The following CAMK1D variants were observed in gnomAD, a reference collection of about 807,000 sequenced individuals.
The protein encoded by CAMK1D is calcium/calmodulin-dependent protein kinase type 1D.
A neutral mutation model predicts 47.7 loss-of-function variants in CAMK1D; 9 were observed. That is an observed-to-expected ratio of 0.19 (90% confidence interval 0.11 to 0.33). The LOEUF (loss-of-function observed/expected upper bound fraction) is 0.33, where lower values mean the gene tolerates loss of function less well. Ranked by LOEUF, CAMK1D falls within the 10% of genes least tolerant of loss-of-function variation. The pLI is 1.00. For synonymous variants in CAMK1D, 184 were observed against 184.9 expected, an observed-to-expected ratio of 0.99 and a Z score of 0.04; for missense variants, 291 against 488.7, an observed-to-expected ratio of 0.60 and a Z score of 3.81.
chr10:12,709,627 C>G (rs1234977596), intron 3 of CAMK1D, among the ~76,000 whole-genome samples: 1 of 151,890 alleles, frequency 6.6e-6, no homozygotes, highest in African/African-American at 2.4e-5. Context: ...GAGAGGAGGG[C>G]CTGTGTGTTT....
At chr10:12,520,215 G>A (rs1422046166) in intron 1 of CAMK1D, among the ~76,000 whole-genome samples, 1 of 74,626 alleles carries the variant, frequency 1.3e-5, no homozygotes, top group African/African-American at 5.2e-5. Context: ...CTTCTCAGAC[G>A]GGGTGGCCGG....
intron 1 of CAMK1D, among the ~76,000 whole-genome samples, chr10:12,503,892 G>A (rs565351392): frequency 7.2e-5 from 11 of 152,240 alleles, no homozygotes; most frequent in South Asian, 6.2e-4. Flanking sequence ...GGAATATACC[G>A]GACTGAGGAT....
chr10:12,800,560 C>T (rs1340878086), intron 6 of CAMK1D, among the ~76,000 whole-genome samples: 1 of 152,210 alleles, frequency 6.6e-6, no homozygotes, highest in Non-Finnish European at 1.5e-5. Context: ...ATTGATTTTG[C>T]TCGTGTTTTT....
At chr10:12,534,251 C>A (rs1185004623) in intron 1 of CAMK1D, among the ~76,000 whole-genome samples, 1 of 152,190 alleles carries the variant, frequency 6.6e-6, no homozygotes, top group Non-Finnish European at 1.5e-5. Flanking sequence ...GCTCTGTCAC[C>A]CAGGTTGGAG....
At chr10:12,817,710 T>G (rs1168529492) in intron 8 of CAMK1D, among the ~76,000 whole-genome samples, 1 of 152,184 alleles carries the variant, frequency 6.6e-6, no homozygotes, top group African/African-American at 2.4e-5. Context: ...GTTTTGTTTT[T>G]TTGAGATGGA....
chr10:12,468,689 C>T (rs11257812), intron 1 of CAMK1D, among the ~76,000 whole-genome samples: 2,704 of 152,274 alleles, frequency 0.018, 54 homozygotes, highest in East Asian at 0.082. Context: ...CCCCCATGAC[C>T]CTGCCCTCCA....
chr10:12,510,726 G>T (rs1835016246), intron 1 of CAMK1D, among the ~76,000 whole-genome samples: 1 of 152,204 alleles, frequency 6.6e-6, no homozygotes, highest in African/African-American at 2.4e-5. Flanking sequence ...ATGAATCACA[G>T]GAGCGGCTTC....
chr10:12,620,624 T>C (rs1055882955), intron 2 of CAMK1D, among the ~76,000 whole-genome samples: 7 of 152,366 alleles, frequency 4.6e-5, no homozygotes, highest in African/African-American at 1.7e-4. Flanking sequence ...TTGTTCACTT[T>C]TTTTGTTGTT....
At chr10:12,746,786 G>C (rs1036693155) in intron 3 of CAMK1D, among the ~76,000 whole-genome samples, 1 of 152,160 alleles carries the variant, frequency 6.6e-6, no homozygotes, top group African/African-American at 2.4e-5. Flanking sequence ...CCACAGCTGG[G>C]GGCATCGCTT....
At chr10:12,646,757 A>G (rs1370581434) in intron 2 of CAMK1D, among the ~76,000 whole-genome samples, 1 of 152,198 alleles carries the variant, frequency 6.6e-6, no homozygotes, top group African/African-American at 2.4e-5. Context: ...AATCCAACTC[A>G]ATTATAGGAC....
At chr10:12,592,223 A>G (rs977709200) in intron 2 of CAMK1D, among the ~76,000 whole-genome samples, 1 of 152,114 alleles carries the variant, frequency 6.6e-6, no homozygotes. Flanking sequence ...TCTCCCTGCG[A>G]TCTCCCAAGG....
At chr10:12,695,832 A>G (rs1833271134) in intron 3 of CAMK1D, among the ~76,000 whole-genome samples, 1 of 152,132 alleles carries the variant, frequency 6.6e-6, no homozygotes, top group South Asian at 2.1e-4. Flanking sequence ...TAATCCCAGC[A>G]CTTTGGCAGG....
At chr10:12,686,012 GAC>G (rs1193264392) in intron 3 of CAMK1D, among the ~76,000 whole-genome samples, 4 of 152,176 alleles carry the variant, frequency 2.6e-5, no homozygotes, top group Admixed American at 6.5e-5. Flanking sequence ...TGTAGATAAA[GAC>G]ACACAGTTTT....
chr10:12,591,644 T>G (rs1368812187), intron 2 of CAMK1D, among the ~76,000 whole-genome samples: 2 of 152,180 alleles, frequency 1.3e-5, no homozygotes, highest in Non-Finnish European at 2.9e-5. Context: ...TTGACTGTTC[T>G]CTCTGTTTCT....
rs140711382 is a variant in CAMK1D, at chr10:12,458,819, A to C, written c.93-94406A>C. On this transcript the variant is annotated intron_variant, in intron 1 of 10. Coordinates refer to ENST00000619168, the MANE Select transcript of CAMK1D (RefSeq NM_153498.4). ...GCTACAGCAGTCAGGATTACATTTTATCATCATATTATCACTTCAGATAAG... is the reference window on the plus strand; with the variant it reads ...GCTACAGCAGTCAGGATTACATTTTCTCATCATATTATCACTTCAGATAAG... Among the ~76,000 whole-genome samples the C allele has an allele frequency of 2.6e-3, 394 of 151,734 alleles. 4 individuals are homozygous for C. Among genetic ancestry groups the C allele is most frequent in the African/African-American group, 8.8e-3 (364 of 41,370 alleles).
chr10:12,580,272 A>G (rs531126161), intron 2 of CAMK1D, among the ~76,000 whole-genome samples: 1 of 151,338 alleles, frequency 6.6e-6, no homozygotes, highest in South Asian at 2.1e-4. Flanking sequence ...ACAGATGTTT[A>G]GGAATTGGGC....
At chr10:12,552,860 G>A (rs556905111) in intron 1 of CAMK1D, among the ~76,000 whole-genome samples, 1 of 152,166 alleles carries the variant, frequency 6.6e-6, no homozygotes, top group Admixed American at 6.5e-5. Flanking sequence ...TCCTGCCTCA[G>A]CCTCCCAAGT....
At chr10:12,790,822 C>G (rs1837946770) in intron 5 of CAMK1D, among the ~76,000 whole-genome samples, 1 of 151,760 alleles carries the variant, frequency 6.6e-6, no homozygotes, top group South Asian at 2.1e-4. Flanking sequence ...GAGACTTCAT[C>G]TCTTAAAAAA....
At chr10:12,398,347 A>T (rs377210681) in intron 1 of CAMK1D, among the ~76,000 whole-genome samples, 25 of 152,040 alleles carry the variant, frequency 1.6e-4, no homozygotes, top group South Asian at 1.0e-3. Flanking sequence ...AGCTTCTTGT[A>T]TTTATTTCTT....
Sources: gnomAD v4.1 joint callset for allele counts (sites outside exome capture counted in the v4.1 genomes callset) on GRCh38, gnomAD v4.1.1 for gene constraint, MANE v1.5 for transcripts, NCBI Gene and HGNC (gene_info 2026-07-23, HGNC 2026-07-21) for gene names.